LDLRAP1: variants seen among roughly 807,000 people sequenced by gnomAD.
The protein encoded by LDLRAP1 is low density lipoprotein receptor adapter protein 1.
In LDLRAP1, 30 loss-of-function variants were observed where a neutral mutation model predicts 37.8. That is an observed-to-expected ratio of 0.79 (90% CI 0.59 to 1.08). The LOEUF (loss-of-function observed/expected upper bound fraction) is 1.08. Among genes scored for constraint, LDLRAP1 ranks in the 50% least tolerant of loss-of-function variants. The pLI is 0.00. For missense variants in LDLRAP1, 375 were observed against 401.6 expected (o/e 0.93, Z 0.57); for synonymous variants, 156 against 169.8 (o/e 0.92, Z 0.63).
At chr1:25,571,291 A>G (rs1340074717), downstream of LDLRAP1, among the ~76,000 whole-genome samples, 2 of 152,158 alleles carry the variant, frequency 1.3e-5, no homozygotes, top group Admixed American at 1.3e-4. Flanking sequence ...CTTTGGGGCC[A>G]CTTCTCTGGA....
rs1392231725 is a variant in LDLRAP1, at chr1:25,567,104, T to G, written c.*112T>G. The G allele has an allele frequency of 7.4e-7, 1 of 1,346,118 alleles. No homozygotes were observed. Among genetic ancestry groups the G allele is most frequent in the Non-Finnish European group, 1.0e-6 (1 of 960,344 alleles). The allele number at this position is 1,346,118 out of a possible 1,614,324, so 83.4% of individuals were successfully genotyped here. ...CTGCCACCTCTCCCAGCCCTCAGCA[T>G]TGTCAGCCTGAAGATCAGAGCTGCA... On this transcript the variant is annotated 3_prime_UTR_variant, in exon 9 of 9. Coordinates refer to ENST00000374338, the MANE Select transcript of LDLRAP1 (RefSeq NM_015627.3).
At chr1:25,582,382 C>A in the LDLRAP1 span, among the ~76,000 whole-genome samples, 5,030 of 151,956 alleles carry the variant, frequency 0.033, 97 homozygotes, top group African/African-American at 0.058. Flanking sequence ...ATATGGAGAT[C>A]GAGACCATCC....
chr1:25,586,382 G>A, the LDLRAP1 span, among the ~76,000 whole-genome samples: 1 of 152,162 alleles, frequency 6.6e-6, no homozygotes, highest in East Asian at 1.9e-4. The surrounding 1 kb of genome is among the most constrained non-coding windows in gnomAD (Gnocchi z 4.3). Context: ...TTGTGCTGCG[G>A]CCGCATCTGA....
intron 6 of LDLRAP1, 41 bp downstream of exon 6, chr1:25,563,194 G>A (rs772229474): frequency 6.3e-7 from 1 of 1,576,564 alleles, no homozygotes; most frequent in African/African-American, 1.3e-5. Context: ...ATGCGGTGTT[G>A]GGGTTGCGCT....
Position 25,565,150 on chromosome 1 carries a change from T to C in LDLRAP1, c.748-23T>C, listed in dbSNP as rs147199946. ...TGGGCTCCCCCAAACATAGTTCTTA[T>C]CTCCTGCTTTGTTTTCCCCAAGGAG... is the stretch of plus-strand genomic sequence containing the variant. On this transcript the variant is annotated intron_variant, in intron 7 of 8. Transcript: ENST00000374338. 38 of 1,613,842 alleles carry C rather than the reference T, an allele frequency of 2.4e-5. No individual in the cohort carries two copies. The East Asian group carries it at 3.6e-4, about 15-fold the overall frequency.
Position 25,554,996 on chromosome 1 carries a change from C to T in LDLRAP1, c.344+24C>T, listed in dbSNP as rs181386653. On this transcript the variant is annotated intron_variant, in intron 3 of 8. Coordinates refer to ENST00000374338, the MANE Select transcript of LDLRAP1 (RefSeq NM_015627.3). The surrounding 1 kb of genome is among the most constrained non-coding windows in gnomAD (Gnocchi z 5.4). The stretch of plus-strand genomic sequence containing the variant: ...AGGTACGCTCAGCATGGGGTTGGCC[C>T]ATCCACTCTGCCACTTGGGGCAGTG... 23 of 1,566,310 alleles carry T rather than the reference C, an allele frequency of 1.5e-5. 1 individual carries two copies. In the East Asian group the frequency reaches 3.1e-4, roughly 21 times the overall value.
chr1:25,582,570 C>T, the LDLRAP1 span, among the ~76,000 whole-genome samples: 93 of 142,594 alleles, frequency 6.5e-4, 1 homozygote, highest in Non-Finnish European at 1.0e-3. Flanking sequence ...GGCGACAGAG[C>T]GAGACCCCAT....
chr1:25,543,824 G>C, intron 1 of LDLRAP1, 38 bp downstream of exon 1: 1 of 1,182,396 alleles, frequency 8.5e-7, no homozygotes, highest in Non-Finnish European at 1.1e-6. Context: ...GGCCGGGATC[G>C]GGCAGAGGCG....
At position 25,557,204 on chromosome 1, in the gene LDLRAP1, C is replaced by T. The variant is rs369497122; in HGVS notation, c.396C>T (p.Ile132=). The part of the protein sequence containing the change: ...DKMHDKVFAY[I]AQSQHNQSLE... ...TGCACGACAAGGTGTTTGCATACAT[C>T]GCCCAGAGCCAGCACAACCAGAGCC... is the stretch of plus-strand genomic sequence containing the variant. The change falls in exon 4 of 9, where the codon ATC becomes ATT. Residue 132 remains isoleucine (I), a synonymous_variant. Transcript: ENST00000374338. 5.6e-4 allele frequency: 906 copies of T among 1,614,174 alleles called. 1 individual carries two copies. The highest frequency in any genetic ancestry group is 9.2e-4 in the Admixed American group (55 of 60,022).
intron 8 of LDLRAP1, among the ~76,000 whole-genome samples, chr1:25,565,681 T>C (rs971360613): frequency 3.3e-5 from 5 of 152,196 alleles, no homozygotes; most frequent in African/African-American, 1.2e-4. Context: ...TGTTTTGGTA[T>C]AGCCTTTGGT....
the LDLRAP1 span, among the ~76,000 whole-genome samples, chr1:25,586,569 TGTGTGC>T: frequency 6.7e-6 from 1 of 149,390 alleles, no homozygotes; most frequent in Non-Finnish European, 1.5e-5. The surrounding 1 kb of genome is among the most constrained non-coding windows in gnomAD (Gnocchi z 4.3). Flanking sequence ...TACGTGCGTG[TGTGTGC>T]GTGTGCGCGC....
chr1:25,565,468 G>GACAA, intron 8 of LDLRAP1, among the ~76,000 whole-genome samples: 1 of 151,732 alleles, frequency 6.6e-6, no homozygotes, highest in South Asian at 2.1e-4. Flanking sequence ...CTCTGCCGCA[G>GACAA]TCTGAGGTGA....
intron 4 of LDLRAP1, among the ~76,000 whole-genome samples, chr1:25,560,882 C>A (rs1035727488): frequency 7.9e-5 from 12 of 152,266 alleles, no homozygotes; most frequent in Admixed American, 7.2e-4. Context: ...GTCCTCGGAT[C>A]CCTGCAGCCA....
rs552385568 is a variant in LDLRAP1, at chr1:25,544,631, G to A, written c.88+845G>A. 6.6e-6 allele frequency among the ~76,000 whole-genome samples: 1 copy of A among 152,234 alleles called. No homozygotes were observed. The highest frequency in any genetic ancestry group is 2.4e-5 in the African/African-American group (1 of 41,534). ...CCCCCAGTCTCTGATTACGCTCAGG[G>A]AACTTGTCACCTGGCACCTTCCCCT... On this transcript the variant is annotated intron_variant, in intron 1 of 8. Coordinates refer to ENST00000374338, the MANE Select transcript of LDLRAP1 (RefSeq NM_015627.3). The surrounding 1 kb of genome is among the most constrained non-coding windows in gnomAD (Gnocchi z 4.8).
chr1:25,587,846 T>C, the LDLRAP1 span, among the ~76,000 whole-genome samples: 48 of 152,034 alleles, frequency 3.2e-4, no homozygotes, highest in South Asian at 5.4e-3. Flanking sequence ...ATGGGTCAGG[T>C]GTGTGTGGGG....
At chr1:25,577,010 C>T in the LDLRAP1 span, among the ~76,000 whole-genome samples, 6 of 152,162 alleles carry the variant, frequency 3.9e-5, no homozygotes, top group Non-Finnish European at 8.8e-5. Flanking sequence ...GAGCCTGGGG[C>T]GGCTCTCCAT....
intron 4 of LDLRAP1, among the ~76,000 whole-genome samples, chr1:25,559,344 G>A (rs367706374): frequency 3.0e-4 from 45 of 152,240 alleles, no homozygotes; most frequent in East Asian, 1.4e-3. Context: ...AGAGAGAGGT[G>A]CAGGCCCAGC....
intron 4 of LDLRAP1, among the ~76,000 whole-genome samples, chr1:25,559,969 C>T (rs2044304818): frequency 1.3e-5 from 2 of 151,882 alleles, no homozygotes; most frequent in African/African-American, 4.8e-5. Flanking sequence ...ATCTCACTAA[C>T]TTCCCTGAAG....
At chr1:25,558,043 C>T (rs1260397354) in intron 4 of LDLRAP1, among the ~76,000 whole-genome samples, 1 of 152,154 alleles carries the variant, frequency 6.6e-6, no homozygotes, top group Admixed American at 6.5e-5. Flanking sequence ...CACCCCCTGA[C>T]CACATCTTAG....
Sources: gnomAD v4.1 joint callset for allele counts (sites outside exome capture counted in the v4.1 genomes callset) on GRCh38, gnomAD v4.1.1 for gene constraint, Gnocchi (gnomAD v3.1) non-coding constraint, MANE v1.5 for transcripts, NCBI Gene and HGNC (gene_info 2026-07-23, HGNC 2026-07-21) for gene names.